CNTN5: variants seen among roughly 807,000 people sequenced by gnomAD.
CNTN5 encodes the protein contactin-5.
CNTN5 carries 77 observed loss-of-function variants against 129.1 expected under a neutral mutation model. The ratio of observed to expected loss-of-function variants is 0.60; its 90% CI spans 0.50 to 0.72. The LOEUF (loss-of-function observed/expected upper bound fraction) is 0.72, where lower values mean the gene tolerates loss of function less well. Ranked by LOEUF, CNTN5 falls within the 30% of genes least tolerant of loss-of-function variation. The pLI is 0.00. For missense variants in CNTN5, 1,478 were observed against 1,328.8 expected, an observed-to-expected ratio of 1.11 and a Z score of -1.75; for synonymous variants, 509 against 465.6, an observed-to-expected ratio of 1.09 and a Z score of -1.20.
intron 23 of CNTN5, among the ~76,000 whole-genome samples, chr11:100,345,374 T>C (rs1952256890): frequency 6.6e-6 from 1 of 152,160 alleles, no homozygotes; most frequent in South Asian, 2.1e-4. Context: ...GGAGAAGTCC[T>C]TGTGATACAA....
chr11:99,965,788 G>A (rs1237910337), intron 8 of CNTN5, among the ~76,000 whole-genome samples: 1 of 152,096 alleles, frequency 6.6e-6, no homozygotes, highest in African/African-American at 2.4e-5. Context: ...TTGTGTGGGA[G>A]TCTAAGTCTC....
At chr11:99,485,058 A>G (rs1312716752) in intron 2 of CNTN5, among the ~76,000 whole-genome samples, 1 of 152,124 alleles carries the variant, frequency 6.6e-6, no homozygotes, top group East Asian at 1.9e-4. Flanking sequence ...AATAGCTAGA[A>G]GGAGGATATT....
chr11:99,503,578 T>A (rs749648948), intron 2 of CNTN5, among the ~76,000 whole-genome samples: 1 of 152,168 alleles, frequency 6.6e-6, no homozygotes, highest in Non-Finnish European at 1.5e-5. Flanking sequence ...ATCTGTAATA[T>A]AGCACTTGAT....
chr11:100,200,772 C>T (rs1340407611), intron 15 of CNTN5, among the ~76,000 whole-genome samples: 4 of 151,826 alleles, frequency 2.6e-5, no homozygotes, highest in East Asian at 1.9e-4. Context: ...AAATAGAAGA[C>T]ACTCCTTACT....
chr11:100,155,890 TAAG>T (rs1051236433), intron 13 of CNTN5, among the ~76,000 whole-genome samples: 28 of 152,162 alleles, frequency 1.8e-4, no homozygotes, highest in African/African-American at 6.8e-4. Context: ...CTTATCATCA[TAAG>T]GAGATTTGGG....
chr11:99,171,380 A>T (rs964612381), intron 1 of CNTN5, among the ~76,000 whole-genome samples: 8 of 152,158 alleles, frequency 5.3e-5, no homozygotes, highest in Non-Finnish European at 7.4e-5. Context: ...GATTGCTTAT[A>T]TTCTTCTAAA....
intron 9 of CNTN5, among the ~76,000 whole-genome samples, chr11:100,049,701 G>A (rs974427639): frequency 4.9e-4 from 75 of 152,200 alleles, no homozygotes; most frequent in Non-Finnish European, 8.5e-4. Flanking sequence ...TACAAAATGG[G>A]AGAAAATTTT....
chr11:99,373,777 A>G (rs750650705), intron 2 of CNTN5, among the ~76,000 whole-genome samples: 2 of 151,740 alleles, frequency 1.3e-5, no homozygotes, highest in African/African-American at 4.8e-5. Flanking sequence ...GAAACTAAGC[A>G]TAAAAACAAA....
intron 2 of CNTN5, among the ~76,000 whole-genome samples, chr11:99,491,415 A>C (rs953438456): frequency 6.6e-6 from 1 of 152,098 alleles, no homozygotes; most frequent in Non-Finnish European, 1.5e-5. Context: ...GATCAGAGGA[A>C]TCCTTATTGA....
chr11:100,078,474 T>C (rs531781343), intron 13 of CNTN5, among the ~76,000 whole-genome samples: 36 of 152,064 alleles, frequency 2.4e-4, no homozygotes, highest in Non-Finnish European at 4.3e-4. Flanking sequence ...CAATATGAAC[T>C]CCCTTCAGAT....
chr11:100,270,120 T>G (rs1950383008), intron 17 of CNTN5, among the ~76,000 whole-genome samples: 2 of 150,486 alleles, frequency 1.3e-5, no homozygotes, highest in Non-Finnish European at 3.0e-5. Context: ...ACATCAGCCC[T>G]GCAGTGCTGT....
rs1170071856 is a variant in CNTN5, at chr11:100,272,691, G to A, written c.2314+1450G>A. 2.0e-5 allele frequency among the ~76,000 whole-genome samples: 3 copies of A among 152,090 alleles called. No homozygotes were observed. The East Asian group carries it at 5.8e-4, about 29-fold the overall frequency. On this transcript the variant is annotated intron_variant, in intron 18 of 24. Transcript: ENST00000524871. ...AAAACACAGAGGTTGGGCTGATTGG[G>A]GGAAAACGTTGGGACCCCTACGCGG...
At chr11:99,427,620 G>C (rs542508127) in intron 2 of CNTN5, among the ~76,000 whole-genome samples, 2 of 151,642 alleles carry the variant, frequency 1.3e-5, no homozygotes, top group Non-Finnish European at 2.9e-5. Context: ...CAAAAAATTA[G>C]CTGGGCATGG....
chr11:99,239,700 C>T (rs1267937029), intron 1 of CNTN5, among the ~76,000 whole-genome samples: 1 of 152,108 alleles, frequency 6.6e-6, no homozygotes, highest in African/African-American at 2.4e-5. Context: ...CTTTGGGAGG[C>T]CGAGGCGGGC....
chr11:99,971,361 G>T (rs1043219330), intron 8 of CNTN5, among the ~76,000 whole-genome samples: 1 of 151,924 alleles, frequency 6.6e-6, no homozygotes, highest in Non-Finnish European at 1.5e-5. Context: ...TGGCCAACAC[G>T]GTGAAACCCC....
At chr11:100,122,147 C>T (rs1479934892) in intron 13 of CNTN5, among the ~76,000 whole-genome samples, 4 of 152,036 alleles carry the variant, frequency 2.6e-5, no homozygotes, top group Non-Finnish European at 2.9e-5. Context: ...AATCTAAACA[C>T]TTCAGAACCA....
intron 2 of CNTN5, among the ~76,000 whole-genome samples, chr11:99,488,668 C>T (rs865988564): frequency 6.6e-6 from 1 of 152,148 alleles, no homozygotes; most frequent in Non-Finnish European, 1.5e-5. Flanking sequence ...AATTTAATTA[C>T]ATAGAATTGT....
At chr11:100,309,211 A>C (rs1286723816) in intron 21 of CNTN5, 1 of 984,728 alleles carries the variant, frequency 1.0e-6, no homozygotes, top group African/African-American at 1.7e-5. Context: ...AGTTGCATTT[A>C]AAAAAATTTA....
At chr11:100,248,534 A>T (rs1357258962) in intron 16 of CNTN5, among the ~76,000 whole-genome samples, 1 of 152,192 alleles carries the variant, frequency 6.6e-6, no homozygotes, top group Non-Finnish European at 1.5e-5. Context: ...CAACAGAATG[A>T]GACCATGTCT....
Sources: gnomAD v4.1 joint callset for allele counts (sites outside exome capture counted in the v4.1 genomes callset) on GRCh38, gnomAD v4.1.1 for gene constraint, MANE v1.5 for transcripts, NCBI Gene and HGNC (gene_info 2026-07-23, HGNC 2026-07-21) for gene names.